CTSE: variants seen among roughly 807,000 people sequenced by gnomAD.
The protein encoded by CTSE is cathepsin E.
CTSE carries 43 observed loss-of-function variants against 42.8 expected under a neutral mutation model. The ratio of observed to expected loss-of-function variants is 1.01; its 90% CI spans 0.79 to 1.30. The LOEUF is 1.30. CTSE is among the 50% of genes most tolerant of loss of function. The probability of loss-of-function intolerance (pLI) is 0.00; values close to 1 mark genes in which losing one functional copy is unlikely to be tolerated. For missense variants in CTSE, 532 were observed against 493.5 expected (o/e 1.08, Z -0.74); for synonymous variants, 205 against 191.5 (o/e 1.07, Z -0.58).
Position 206,010,198 on chromosome 1 carries a change from G to A in CTSE, c.1176C>T (p.Ala392=). 2 of 1,613,584 alleles carry A rather than the reference G, an allele frequency of 1.2e-6. No individual in the cohort carries two copies. Among genetic ancestry groups the A allele is most frequent in the South Asian group, 2.2e-5 (2 of 91,058 alleles). Residue 392 remains alanine, a synonymous_variant, in exon 9 of 9, where the codon GCC becomes GCT. Coordinates refer to ENST00000358184, the MANE Select transcript of CTSE (RefSeq NM_001910.4). The part of the protein sequence containing the change: ...FDRGNNRVGL[A]PAVP ...AGGCCCCTCCTTAGGGGACTGCTGG[G>A]GCCAGTCCCACACGGTTATTCCCAC...
intron 8 of CTSE, 72 bp from the exon 9 acceptor site, chr1:206,010,419 G>T: frequency 7.3e-7 from 1 of 1,373,836 alleles, no homozygotes; most frequent in Non-Finnish European, 1.0e-6. Context: ...GAGGCTGCCT[G>T]TGTGGTGGTG....
At position 206,010,035 on chromosome 1, in the gene CTSE, T is replaced by G. The variant is rs116129750; in HGVS notation, c.*148A>C. 3.1e-3 allele frequency: 2,441 copies of G among 775,366 alleles called. 47 individuals are homozygous for G. In the African/African-American group the frequency reaches 0.037, roughly 12 times the overall value. 48.0% of individuals were successfully genotyped at this position (775,366 alleles called of 1,614,324 possible). A position where few individuals can be genotyped will look rare whatever the true frequency, so the allele number is the denominator to read the frequency against. On this transcript the variant is annotated 3_prime_UTR_variant, in exon 9 of 9. Transcript: ENST00000358184. ...TGTATATGTGTGTGTGTGTGTGTAT[T>G]CTCATGTTCTGTTTGGTCTTAATTC...
chr1:206,016,282 C>T (rs1304572440), intron 4 of CTSE, 152 bp from the exon 5 acceptor site: 3 of 692,872 alleles, frequency 4.3e-6, no homozygotes, highest in South Asian at 1.9e-5. Flanking sequence ...TTGCTATATT[C>T]CCAAAAAACA....
rs1553278315 is a variant in CTSE, at chr1:206,021,115, A to T, written c.396T>A (p.Gly132=). The change falls in exon 4 of 9, where the codon GGT becomes GGA. Residue 132 remains glycine, a synonymous_variant. Transcript: ENST00000358184. ...PSQSSTYSQP[G]QSFSIQYGTG... is the part of the protein sequence containing the mutation. ...TTCCATACTGAATGGAGAAAGATTGACCTGGCTGGCTGTATGTGCTGGACT... is the reference window on the plus strand; with the variant it reads ...TTCCATACTGAATGGAGAAAGATTGTCCTGGCTGGCTGTATGTGCTGGACT... The T allele has an allele frequency of 6.2e-7, 1 of 1,613,726 alleles. No individual in the cohort carries two copies. The highest frequency in any genetic ancestry group is 8.5e-7 in the Non-Finnish European group (1 of 1,179,772).
chr1:206,014,065 G>A (rs573350976), intron 5 of CTSE, 171 bp from the exon 6 acceptor site: 4 of 680,492 alleles, frequency 5.9e-6, no homozygotes, highest in African/African-American at 5.4e-5. Context: ...AATTGGTCTG[G>A]GCCTTTTTGA....
chr1:206,023,232 G>A (rs1250994716), intron 1 of CTSE, among the ~76,000 whole-genome samples, 175 bp from the exon 2 acceptor site: 4 of 151,844 alleles, frequency 2.6e-5, no homozygotes, highest in African/African-American at 7.3e-5. Flanking sequence ...CAGCCTGCCC[G>A]GCCTCATCTC....
At position 206,012,337 on chromosome 1, in the gene CTSE, T is replaced by A. The variant is rs782664090; in HGVS notation, c.997A>T (p.Thr333Ser). 1.5e-5 allele frequency: 25 copies of A among 1,613,696 alleles called. No individual in the cohort carries two copies. The highest frequency in any genetic ancestry group is 2.0e-5 in the Non-Finnish European group (24 of 1,179,828). ...VTFTINGVPY[T>S]LSPTAYTLLD... is the part of the protein sequence containing the mutation. ...AGGGTGTAGGCAGTTGGGCTGAGGGTATAGGGGACTCCGTTAATGGTGAAG... is the reference window on the plus strand; with the variant it reads ...AGGGTGTAGGCAGTTGGGCTGAGGGAATAGGGGACTCCGTTAATGGTGAAG... Residue 333 changes from threonine (T) to serine (S), a missense_variant, in exon 8 of 9, where the codon ACC (threonine) becomes TCC (serine). Physicochemically the swap from Thr to Ser is moderately conservative, Grantham distance 58 (BLOSUM62 1). Coordinates refer to ENST00000358184, the MANE Select transcript of CTSE (RefSeq NM_001910.4).
At chr1:206,018,663 T>C (rs1478028733) in intron 4 of CTSE, among the ~76,000 whole-genome samples, 1 of 152,054 alleles carries the variant, frequency 6.6e-6, no homozygotes, top group East Asian at 1.9e-4. Context: ...AGGCATTTGT[T>C]GATTTTCTGA....
chr1:206,012,520 G>A lies in CTSE; in HGVS notation c.915C>T (p.Pro305=), dbSNP rs782132606. The A allele has an allele frequency of 4.3e-5, 70 of 1,613,850 alleles. No homozygotes were observed. In the South Asian group the frequency reaches 5.4e-4, roughly 12 times the overall value. The change falls in exon 7 of 9, where the codon CCC becomes CCT. Residue 305 remains proline, a synonymous_variant. Transcript: ENST00000358184. ...KQLQNAIGAA[P]VDGEYAVECA... The stretch of plus-strand genomic sequence containing the variant: ...GGCAGGCACTCACTTCTCCATCCAC[G>A]GGGGCTGCCCCAATGGCGTTTTGCA...
rs1307153665 is a variant in CTSE at position 206,022,821 on chromosome 1, A to G, written c.225+80T>C. 3 of 1,302,908 alleles carry G rather than the reference A, an allele frequency of 2.3e-6. No homozygotes were observed. The African/African-American group carries it at 4.5e-5, about 20-fold the overall frequency. 80.7% of individuals were successfully genotyped at this position (1,302,908 alleles called of 1,614,324 possible). On this transcript the variant is annotated intron_variant, in intron 2 of 8. Transcript: ENST00000358184. Reference sequence around the variant, plus strand: ...TCCACAATGGCCTTCGGTGCTACTGATGTGGCACTGGCCATGCCCTAATGC... The same window carrying G: ...TCCACAATGGCCTTCGGTGCTACTGGTGTGGCACTGGCCATGCCCTAATGC...
Position 206,022,956 on chromosome 1 carries a change from G to C in CTSE, c.170C>G (p.Thr57Ser), listed in dbSNP as rs372061381. ...KSHNLDMIQF[T>S]ESCSMDQSAK... Reference sequence around the variant, plus strand: ...ACTCTGGTCCATTGAGCAGGACTCGGTGAACTGGATCATGTCCAAATTATG... The same window carrying C: ...ACTCTGGTCCATTGAGCAGGACTCGCTGAACTGGATCATGTCCAAATTATG... Residue 57 changes from threonine to serine, a missense_variant, in exon 2 of 9, where the codon ACC (threonine) becomes AGC (serine). Physicochemically the swap from Thr to Ser is moderately conservative, Grantham distance 58 (BLOSUM62 1). Transcript: ENST00000358184. The C allele has an allele frequency of 4.4e-5, 71 of 1,609,614 alleles. 1 individual carries two copies. The highest frequency in any genetic ancestry group is 5.4e-5 in the Non-Finnish European group (63 of 1,177,464).
rs1188228126 is a variant in CTSE, at chr1:206,016,107, G to A, written c.486C>T (p.Gly162=). ...QVSVEGLTVV[G]QQFGESVTEP... ...CTGTGACACTTTCTCCAAACTGCTG[G>A]CCAACCACGGTTAGTCCTTCCACCT... Residue 162 remains glycine, a synonymous_variant, in exon 5 of 9, where the codon GGC becomes GGT. Coordinates refer to ENST00000358184, the MANE Select transcript of CTSE (RefSeq NM_001910.4). The A allele has an allele frequency of 6.2e-7, 1 of 1,613,736 alleles. No individual in the cohort carries two copies. Among genetic ancestry groups the A allele is most frequent in the African/African-American group, 1.3e-5 (1 of 74,904 alleles).
chr1:206,020,367 T>C (rs1317445220), intron 4 of CTSE, among the ~76,000 whole-genome samples: 1 of 152,022 alleles, frequency 6.6e-6, no homozygotes, highest in African/African-American at 2.4e-5. Flanking sequence ...GGCTGTGCCC[T>C]GCTGGCCTCG....
At position 206,010,260 on chromosome 1, in the gene CTSE, C is replaced by T. The variant is rs782544121; in HGVS notation, c.1114G>A (p.Asp372Asn). 1.9e-6 allele frequency: 3 copies of T among 1,613,530 alleles called. No homozygotes were observed. Among genetic ancestry groups the T allele is most frequent in the Non-Finnish European group, 2.5e-6 (3 of 1,179,740 alleles). Residue 372 changes from aspartate to asparagine, a missense_variant, in exon 9 of 9, where the codon GAT becomes AAT. Physicochemically the swap from Asp to Asn is conservative, Grantham distance 23 (BLOSUM62 1). Coordinates refer to ENST00000358184, the MANE Select transcript of CTSE (RefSeq NM_001910.4). ...PPAGPLWILG[D>N]VFIRQFYSVF... ...GAGTAAAACTGTCGAATGAAGACAT[C>T]CCCCAGGATCCAGAGGGGCCCAGCT...
intron 5 of CTSE, among the ~76,000 whole-genome samples, chr1:206,015,266 G>T (rs1553277586): frequency 1.3e-5 from 2 of 151,944 alleles, no homozygotes; most frequent in African/African-American, 4.8e-5. Context: ...TACCCATTAG[G>T]CCATCAACAA....
chr1:206,012,256 C>T, intron 8 of CTSE, 52 bp downstream of exon 8: 2 of 1,443,952 alleles, frequency 1.4e-6, no homozygotes, highest in South Asian at 1.2e-5. Context: ...GGGGAAGTGG[C>T]AGGCATGTGG....
intron 5 of CTSE, chr1:206,014,233 A>C: frequency 5.1e-6 from 1 of 194,774 alleles, no homozygotes; most frequent in Non-Finnish European, 1.0e-5. Context: ...GCTTGAAGCA[A>C]CCCCCAAAGA....
At position 206,023,850 on chromosome 1, in the gene CTSE, G is replaced by T; in HGVS notation, c.-59C>A. On this transcript the variant is annotated 5_prime_UTR_variant, in exon 1 of 9. It adds an upstream start codon to the 5' untranslated region. Coordinates refer to ENST00000358184, the MANE Select transcript of CTSE (RefSeq NM_001910.4). ...CTCCTTTCTTCTCTCCCCGAGGGCA[G>T]TGGGAACGGACTTTCCCTAACTCTC... 6.4e-7 allele frequency: 1 copy of T among 1,564,282 alleles called. No homozygotes were observed. The highest frequency in any genetic ancestry group is 8.8e-7 in the Non-Finnish European group (1 of 1,137,160).
intron 3 of CTSE, 189 bp from the exon 4 acceptor site, chr1:206,021,356 C>G (rs577942601): frequency 1.7e-6 from 1 of 586,608 alleles, no homozygotes; most frequent in Middle Eastern, 4.6e-4. Flanking sequence ...CAGATGTGGC[C>G]TAACTGGGGA....
Sources: gnomAD v4.1 joint callset for allele counts (sites outside exome capture counted in the v4.1 genomes callset) on GRCh38, gnomAD v4.1.1 for gene constraint, MANE v1.5 for transcripts, NCBI Gene and HGNC (gene_info 2026-07-23, HGNC 2026-07-21) for gene names.